Variants in CHRM3 observed in about 807,000 individuals in gnomAD.
CHRM3 encodes cholinergic receptor muscarinic 3.
A neutral mutation model predicts 41.8 loss-of-function variants in CHRM3; 11 were observed. The observed-to-expected ratio is 0.26, with a 90% CI of 0.17 to 0.44. The LOEUF is 0.44. Ranked by LOEUF, CHRM3 falls within the 20% of genes least tolerant of loss-of-function variation. CHRM3 has a pLI of 1.00. For missense variants in CHRM3, 571 were observed against 745.4 expected (o/e 0.77, Z 2.72); for synonymous variants, 297 against 301.4 (o/e 0.99, Z 0.15).
At chr1:239,887,318 C>T (rs1201248663) in intron 6 of CHRM3, among the ~76,000 whole-genome samples, 1 of 152,112 alleles carries the variant, frequency 6.6e-6, no homozygotes, top group Non-Finnish European at 1.5e-5. Flanking sequence ...TCTCCTGCCT[C>T]ACCCTCCTGA....
At chr1:239,638,609 T>G (rs1045358520) in intron 4 of CHRM3, among the ~76,000 whole-genome samples, 1 of 152,168 alleles carries the variant, frequency 6.6e-6, no homozygotes, top group African/African-American at 2.4e-5. Flanking sequence ...TTGATGGGGT[T>G]GTTTGGTTTT....
chr1:239,627,195 G>T (rs991860365), intron 3 of CHRM3, among the ~76,000 whole-genome samples: 2 of 96,646 alleles, frequency 2.1e-5, no homozygotes, highest in African/African-American at 8.2e-5. Flanking sequence ...CCTGTATTGG[G>T]TGCATAAATA....
At chr1:239,532,010 T>TA (rs1491545265) in intron 2 of CHRM3, among the ~76,000 whole-genome samples, 2 of 24,330 alleles carry the variant, frequency 8.2e-5, no homozygotes, top group African/African-American at 2.8e-4. Context: ...TCCTTCTTTC[T>TA]TTTTTTTTTT....
chr1:239,739,438 A>C (rs547391438), intron 5 of CHRM3, among the ~76,000 whole-genome samples: 2 of 152,340 alleles, frequency 1.3e-5, no homozygotes, highest in South Asian at 2.1e-4. Context: ...ATAGCTGTTG[A>C]AACTTTAGTC....
intron 4 of CHRM3, among the ~76,000 whole-genome samples, chr1:239,676,588 C>T (rs2149081589): frequency 6.6e-6 from 1 of 152,282 alleles, no homozygotes; most frequent in East Asian, 1.9e-4. Context: ...CCACACTTAA[C>T]TTCTTCAAGA....
intron 1 of CHRM3, among the ~76,000 whole-genome samples, chr1:239,477,538 G>C (rs1379101402): frequency 6.6e-6 from 1 of 152,090 alleles, no homozygotes; most frequent in Non-Finnish European, 1.5e-5. Flanking sequence ...GACATTGAAG[G>C]GGTAAGAAGA....
At chr1:239,495,359 G>A (rs1667811999) in intron 2 of CHRM3, among the ~76,000 whole-genome samples, 1 of 152,176 alleles carries the variant, frequency 6.6e-6, no homozygotes, top group Non-Finnish European at 1.5e-5. Context: ...AGGCTGGCAT[G>A]TGGACCTCTT....
chr1:239,584,568 GAA>G (rs1663231164), intron 3 of CHRM3, among the ~76,000 whole-genome samples: 1 of 152,158 alleles, frequency 6.6e-6, no homozygotes, highest in African/African-American at 2.4e-5. Context: ...TGTAAGAAAA[GAA>G]GAGAGGTAAG....
intron 1 of CHRM3, among the ~76,000 whole-genome samples, chr1:239,472,470 T>C (rs1268003745): frequency 6.6e-6 from 1 of 152,126 alleles, no homozygotes; most frequent in Non-Finnish European, 1.5e-5. Flanking sequence ...AGCAATGTCA[T>C]CAAAAGAGCA....
At chr1:239,832,315 G>C (rs1274267371) in intron 6 of CHRM3, among the ~76,000 whole-genome samples, 1 of 152,160 alleles carries the variant, frequency 6.6e-6, no homozygotes, top group Non-Finnish European at 1.5e-5. Flanking sequence ...AAGCAAACTG[G>C]AGTCTGGTGC....
intron 1 of CHRM3, among the ~76,000 whole-genome samples, chr1:239,448,561 C>A (rs1664317986): frequency 6.6e-6 from 1 of 152,018 alleles, no homozygotes. Flanking sequence ...AACACTCTAT[C>A]AAGTTTGTAA....
At chr1:239,850,994 T>C (rs1241807306) in intron 6 of CHRM3, among the ~76,000 whole-genome samples, 1 of 152,132 alleles carries the variant, frequency 6.6e-6, no homozygotes, top group Admixed American at 6.6e-5. Context: ...AGGTACCATT[T>C]TTATATCTGC....
intron 5 of CHRM3, among the ~76,000 whole-genome samples, chr1:239,722,518 A>G (rs1021824263): frequency 5.9e-5 from 9 of 152,006 alleles, no homozygotes; most frequent in African/African-American, 2.2e-4. Context: ...TGCCTATAGG[A>G]GTTGTGACTT....
chr1:239,720,789 T>C (rs1662892690), intron 5 of CHRM3, among the ~76,000 whole-genome samples: 1 of 151,968 alleles, frequency 6.6e-6, no homozygotes, highest in South Asian at 2.1e-4. Flanking sequence ...TTCTTACTTA[T>C]AATCAAAGTG....
chr1:239,899,566 T>G (rs1159263938), intron 6 of CHRM3, among the ~76,000 whole-genome samples: 1 of 151,754 alleles, frequency 6.6e-6, no homozygotes, highest in African/African-American at 2.4e-5. Context: ...GTGTGTGTAG[T>G]GTGTGTGTAT....
intron 5 of CHRM3, among the ~76,000 whole-genome samples, chr1:239,713,175 C>T (rs1661987788): frequency 6.6e-6 from 1 of 152,140 alleles, no homozygotes; most frequent in Admixed American, 6.6e-5. Flanking sequence ...TGGGAGGCAG[C>T]TGAGCAAAAT....
At chr1:239,754,995 A>G (rs995263941) in intron 5 of CHRM3, among the ~76,000 whole-genome samples, 2 of 152,240 alleles carry the variant, frequency 1.3e-5, no homozygotes, top group African/African-American at 2.4e-5. Context: ...TAAAAGAATT[A>G]GGCATTGGAT....
chr1:239,407,411 T>TAA (rs1286059689), intron 1 of CHRM3, among the ~76,000 whole-genome samples: 1 of 110,876 alleles, frequency 9.0e-6, no homozygotes, highest in Non-Finnish European at 2.2e-5. Flanking sequence ...TATAAATATA[T>TAA]ATATATAGAG....
At chr1:239,824,158 C>T (rs949186055) in intron 5 of CHRM3, among the ~76,000 whole-genome samples, 7 of 152,016 alleles carry the variant, frequency 4.6e-5, no homozygotes, top group Non-Finnish European at 2.9e-5. Flanking sequence ...CATCTTTGTT[C>T]TCTACTCTAA....
Sources: gnomAD v4.1 joint callset for allele counts (sites outside exome capture counted in the v4.1 genomes callset) on GRCh38, gnomAD v4.1.1 for gene constraint, MANE v1.5 for transcripts, NCBI Gene and HGNC (gene_info 2026-07-23, HGNC 2026-07-21) for gene names.